LEKR1: variants seen among roughly 807,000 people sequenced by gnomAD.
The protein encoded by LEKR1 is protein LEKR1.
A neutral mutation model predicts 72.4 loss-of-function variants in LEKR1; 59 were observed. The observed-to-expected ratio is 0.82, with a 90% confidence interval of 0.66 to 1.01. The LOEUF (loss-of-function observed/expected upper bound fraction) is 1.01. LEKR1 is among the 50% of genes least tolerant of loss of function. The pLI is 0.00. For synonymous variants in LEKR1, 257 were observed against 263.2 expected, an observed-to-expected ratio of 0.98 and a Z score of 0.23; for missense variants, 728 against 759.2, an observed-to-expected ratio of 0.96 and a Z score of 0.48.
At chr3:156,906,531 T>C (rs1423042573) in intron 3 of LEKR1, among the ~76,000 whole-genome samples, 1 of 152,192 alleles carries the variant, frequency 6.6e-6, no homozygotes, top group Non-Finnish European at 1.5e-5. Flanking sequence ...GTGTTCACAT[T>C]CTGTGCCGAA....
At chr3:156,921,711 A>G (rs1027630558) in intron 4 of LEKR1, among the ~76,000 whole-genome samples, 4 of 152,128 alleles carry the variant, frequency 2.6e-5, no homozygotes, top group Non-Finnish European at 2.9e-5. Flanking sequence ...GCTTTGGCCC[A>G]TATCTGCCGC....
At chr3:156,831,663 T>A (rs1458717342) in intron 2 of LEKR1, among the ~76,000 whole-genome samples, 1 of 152,120 alleles carries the variant, frequency 6.6e-6, no homozygotes, top group Non-Finnish European at 1.5e-5. Context: ...GCAGGGGCGC[T>A]CCTCTTTATA....
chr3:157,029,558 A>G (rs1365441725), intron 12 of LEKR1, among the ~76,000 whole-genome samples: 1 of 152,152 alleles, frequency 6.6e-6, no homozygotes, highest in African/African-American at 2.4e-5. Context: ...TAGCAGTTAT[A>G]ATCTCCAGGG....
At chr3:157,011,059 A>T (rs1354517249) in intron 9 of LEKR1, among the ~76,000 whole-genome samples, 1 of 152,080 alleles carries the variant, frequency 6.6e-6, no homozygotes, top group Admixed American at 6.6e-5. Context: ...TTAGTCTTAT[A>T]CTTTTTGAAC....
intron 6 of LEKR1, among the ~76,000 whole-genome samples, chr3:156,976,309 C>A (rs1243518056): frequency 6.6e-6 from 1 of 152,058 alleles, no homozygotes. Context: ...GATAAGTCTT[C>A]CTTTTAATTT....
intron 12 of LEKR1, among the ~76,000 whole-genome samples, chr3:157,044,419 T>A (rs1397789966): frequency 6.6e-6 from 1 of 152,186 alleles, no homozygotes; most frequent in East Asian, 1.9e-4. Flanking sequence ...AATGCAGAAT[T>A]TCAGAATTTC....
intron 7 of LEKR1, among the ~76,000 whole-genome samples, chr3:156,983,681 C>T (rs182638571): frequency 5.3e-5 from 8 of 152,242 alleles, no homozygotes; most frequent in Non-Finnish European, 7.4e-5. Flanking sequence ...CTCAGACTAA[C>T]ACAATGAGTA....
rs187524522 is a variant in LEKR1, at chr3:156,900,118, T to C, written c.264-20457T>C. ...TAAAACAGACTGGTGGGGGGAACTA[T>C]ACTAAACCAAAAAAATGCATGCTCA... On this transcript the variant is annotated intron_variant, in intron 3 of 12. Transcript: ENST00000356539. 1.4e-3 allele frequency among the ~76,000 whole-genome samples: 216 copies of C among 152,200 alleles called. 1 individual carries two copies. The highest frequency in any genetic ancestry group is 3.4e-3 in the Middle Eastern group (1 of 294).
chr3:156,860,074 C>T (rs1401187901), intron 3 of LEKR1, among the ~76,000 whole-genome samples: 2 of 152,104 alleles, frequency 1.3e-5, no homozygotes, highest in African/African-American at 4.8e-5. Context: ...GCCTTCTTTC[C>T]ACTTTTCAGA....
intron 3 of LEKR1, among the ~76,000 whole-genome samples, chr3:156,890,860 CTT>C (rs111265584): frequency 1.9e-4 from 26 of 135,634 alleles, no homozygotes; most frequent in Non-Finnish European, 1.6e-4. Context: ...AAAAGTTATC[CTT>C]TTTTTTTTTT....
intron 3 of LEKR1, among the ~76,000 whole-genome samples, chr3:156,889,502 T>C (rs1720444353): frequency 6.6e-6 from 1 of 152,190 alleles, no homozygotes; most frequent in Non-Finnish European, 1.5e-5. Flanking sequence ...CTCTTTACCA[T>C]GCTGAAATAG....
chr3:157,017,536 G>A (rs1733446345), intron 10 of LEKR1: 1 of 152,296 alleles, frequency 6.6e-6, no homozygotes, highest in Admixed American at 6.5e-5. Context: ...TCTGTAAAGG[G>A]TATACGAGTA....
At chr3:157,039,970 A>T (rs1377016294) in intron 12 of LEKR1, among the ~76,000 whole-genome samples, 1 of 152,208 alleles carries the variant, frequency 6.6e-6, no homozygotes, top group African/African-American at 2.4e-5. Flanking sequence ...CCAGCAGGAA[A>T]CATGGGGAGG....
chr3:156,938,124 A>T (rs1033958951), intron 5 of LEKR1, among the ~76,000 whole-genome samples: 1 of 152,034 alleles, frequency 6.6e-6, no homozygotes, highest in African/African-American at 2.4e-5. Flanking sequence ...CATTTATGAT[A>T]GAATTGCATG....
intron 5 of LEKR1, among the ~76,000 whole-genome samples, chr3:156,930,322 A>G (rs1475738833): frequency 1.3e-5 from 2 of 152,164 alleles, no homozygotes; most frequent in African/African-American, 4.8e-5. Flanking sequence ...AGTAAATATA[A>G]AAGACTCCTT....
chr3:156,862,781 A>G (rs1477542095), intron 3 of LEKR1, among the ~76,000 whole-genome samples: 1 of 152,072 alleles, frequency 6.6e-6, no homozygotes, highest in Admixed American at 6.6e-5. Context: ...GTTTTAACCA[A>G]AGTCTAGCCC....
chr3:157,012,621 A>C (rs1457405629), intron 10 of LEKR1, among the ~76,000 whole-genome samples: 2 of 152,134 alleles, frequency 1.3e-5, no homozygotes, highest in East Asian at 3.8e-4. Flanking sequence ...GTAGCCCTCT[A>C]AAAACAAGTA....
chr3:156,833,197 A>G (rs1712665843), intron 2 of LEKR1, among the ~76,000 whole-genome samples: 2 of 152,228 alleles, frequency 1.3e-5, no homozygotes, highest in Non-Finnish European at 1.5e-5. Flanking sequence ...AGTTCAGTCC[A>G]TACAGTTAAT....
At chr3:156,968,511 G>T (rs1053596229) in intron 6 of LEKR1, among the ~76,000 whole-genome samples, 3 of 152,068 alleles carry the variant, frequency 2.0e-5, no homozygotes, top group Admixed American at 6.5e-5. Flanking sequence ...AACCAACAAA[G>T]ATCAAAAGAG....
Sources: gnomAD v4.1 joint callset for allele counts (sites outside exome capture counted in the v4.1 genomes callset) on GRCh38, gnomAD v4.1.1 for gene constraint, MANE v1.5 for transcripts, NCBI Gene and HGNC (gene_info 2026-07-23, HGNC 2026-07-21) for gene names.